Variants in EDN1 observed in about 807,000 individuals in gnomAD.
The protein encoded by EDN1 is endothelin 1, also known as endothelin-1.
EDN1 carries 11 observed loss-of-function variants against 21.7 expected under a neutral mutation model. That is an observed-to-expected ratio of 0.51 (90% confidence interval 0.32 to 0.84). The LOEUF (loss-of-function observed/expected upper bound fraction) is 0.84. Ranked by LOEUF, EDN1 falls within the 40% of genes least tolerant of loss-of-function variation. The pLI, the probability that EDN1 is intolerant of heterozygous loss-of-function variation, is 0.03. For synonymous variants in EDN1, 85 were observed against 90.6 expected (o/e 0.94, Z 0.35); for missense variants, 244 against 262.3 (o/e 0.93, Z 0.48).
the EDN1 span, among the ~76,000 whole-genome samples, chr6:12,238,384 A>T: frequency 5.9e-4 from 90 of 152,198 alleles, no homozygotes; most frequent in Admixed American, 5.8e-3. Context: ...GGGGAAAGTG[A>T]AGGTCTCCCC....
At chr6:12,283,304 G>A in the EDN1 span, among the ~76,000 whole-genome samples, 396 of 152,272 alleles carry the variant, frequency 2.6e-3, 3 homozygotes, top group Non-Finnish European at 4.4e-3. Context: ...GAGTTTGAGG[G>A]GGGAGTGTGG....
chr6:12,251,773 C>G, the EDN1 span, among the ~76,000 whole-genome samples: 1 of 152,156 alleles, frequency 6.6e-6, no homozygotes, highest in Admixed American at 6.5e-5. Context: ...CCCAAATTTG[C>G]ACATGGGACC....
At chr6:12,243,014 C>T in the EDN1 span, among the ~76,000 whole-genome samples, 1 of 152,080 alleles carries the variant, frequency 6.6e-6, no homozygotes, top group African/African-American at 2.4e-5. Flanking sequence ...ACTCTCCTTG[C>T]AGTCAAAAAT....
the EDN1 span, among the ~76,000 whole-genome samples, chr6:12,248,484 C>CAA: frequency 1.3e-5 from 2 of 152,142 alleles, no homozygotes; most frequent in African/African-American, 4.8e-5. Flanking sequence ...CTCCTATATG[C>CAA]AAAGAACATT....
chr6:12,294,208 G>A (rs534545977), intron 3 of EDN1, 53 bp from the exon 4 acceptor site: 1 of 1,613,578 alleles, frequency 6.2e-7, no homozygotes, highest in African/African-American at 1.3e-5. Flanking sequence ...TGAAAGTCAG[G>A]GTAAAGCTGA....
upstream of EDN1, among the ~76,000 whole-genome samples, chr6:12,287,700 TCTCTCTCTCTCTCACACACACA>T (rs1762577893): frequency 1.3e-5 from 1 of 75,446 alleles, no homozygotes; most frequent in Non-Finnish European, 2.9e-5. Flanking sequence ...TCTCTCTCTC[TCTCTCTCTCTCTCACACACACA>T]CACACACACA....
the EDN1 span, among the ~76,000 whole-genome samples, chr6:12,259,300 G>C: frequency 6.6e-6 from 1 of 151,710 alleles, no homozygotes; most frequent in African/African-American, 2.4e-5. Flanking sequence ...AACTGGAATA[G>C]TTTTAGAATT....
the EDN1 span, among the ~76,000 whole-genome samples, chr6:12,274,690 A>T: frequency 6.6e-6 from 1 of 152,164 alleles, no homozygotes; most frequent in Non-Finnish European, 1.5e-5. Context: ...GTGCTTTCAG[A>T]TCTGTCTCAC....
chr6:12,285,500 A>G (rs1244078987), upstream of EDN1, among the ~76,000 whole-genome samples: 1 of 152,210 alleles, frequency 6.6e-6, no homozygotes, highest in Non-Finnish European at 1.5e-5. Flanking sequence ...CAGTTGATGG[A>G]ACTGTGGTGA....
At position 12,294,376 on chromosome 6, in the gene EDN1, A is replaced by T. The variant is rs1420659324; in HGVS notation, c.505A>T (p.Ser169Cys). 2 of 1,614,070 alleles carry T rather than the reference A, an allele frequency of 1.2e-6. No individual in the cohort carries two copies. Among genetic ancestry groups the T allele is most frequent in the East Asian group, 4.5e-5 (2 of 44,890 alleles). The stretch of plus-strand genomic sequence containing the variant: ...AGTGAGAGGAAGAAAAATCAGAAGA[A>T]GTTCAGAGGAACACCTAAGACAAAC... ...QLVRGRKIRRSSEEHLRQTRS... is the reference protein window; with the variant it reads ...QLVRGRKIRRCSEEHLRQTRS... The change falls in exon 4 of 5, where the codon AGT (serine) becomes TGT (cysteine). Residue 169 changes from serine (S) to cysteine (C), a missense_variant. Coordinates refer to ENST00000379375, the MANE Select transcript of EDN1 (RefSeq NM_001955.5).
At chr6:12,289,399 T>TTAGGA (rs1282644938), upstream of EDN1, among the ~76,000 whole-genome samples, 1 of 152,132 alleles carries the variant, frequency 6.6e-6, no homozygotes, top group Non-Finnish European at 1.5e-5. Context: ...CCTTCCTATG[T>TTAGGA]TAGGCAACAT....
the EDN1 span, among the ~76,000 whole-genome samples, chr6:12,283,167 G>T: frequency 6.6e-6 from 1 of 152,250 alleles, no homozygotes; most frequent in African/African-American, 2.4e-5. Context: ...ACAAATGCCC[G>T]TTTAAAAAGT....
At chr6:12,240,123 A>G in the EDN1 span, among the ~76,000 whole-genome samples, 5 of 152,208 alleles carry the variant, frequency 3.3e-5, no homozygotes, top group Admixed American at 2.0e-4. Context: ...GAAATTTTGT[A>G]TTGACAAAGA....
At chr6:12,230,861 G>T in the EDN1 span, among the ~76,000 whole-genome samples, 1 of 152,168 alleles carries the variant, frequency 6.6e-6, no homozygotes, top group East Asian at 1.9e-4. Flanking sequence ...AAGTAACGGG[G>T]TCTGTTGCAG....
chr6:12,246,305 G>A, the EDN1 span, among the ~76,000 whole-genome samples: 1 of 152,132 alleles, frequency 6.6e-6, no homozygotes, highest in African/African-American at 2.4e-5. Flanking sequence ...GGGCCCAAGA[G>A]ATAACAAGAC....
chr6:12,294,802 G>T (rs1233713300), intron 4 of EDN1, among the ~76,000 whole-genome samples: 1 of 151,844 alleles, frequency 6.6e-6, no homozygotes, highest in African/African-American at 2.4e-5. Flanking sequence ...AAGAATCAAA[G>T]TGTCATGGAT....
the EDN1 span, among the ~76,000 whole-genome samples, chr6:12,256,726 A>G: frequency 6.6e-6 from 1 of 152,368 alleles, no homozygotes; most frequent in African/African-American, 2.4e-5. Context: ...TTTATAAAAA[A>G]CATTAATAAC....
the EDN1 span, among the ~76,000 whole-genome samples, chr6:12,255,580 C>T: frequency 6.6e-6 from 1 of 152,130 alleles, no homozygotes; most frequent in African/African-American, 2.4e-5. Flanking sequence ...CCAAAGTCTG[C>T]CAATGTGTTT....
chr6:12,240,951 G>T, the EDN1 span, among the ~76,000 whole-genome samples: 1 of 152,112 alleles, frequency 6.6e-6, no homozygotes, highest in Non-Finnish European at 1.5e-5. Context: ...GAACATCAAG[G>T]TAGAAAGCAC....
Sources: gnomAD v4.1 joint callset for allele counts (sites outside exome capture counted in the v4.1 genomes callset) on GRCh38, gnomAD v4.1.1 for gene constraint, MANE v1.5 for transcripts, NCBI Gene and HGNC (gene_info 2026-07-23, HGNC 2026-07-21) for gene names.